The following CAMTA1 variants were observed in gnomAD, a reference collection of about 807,000 sequenced individuals.
CAMTA1 encodes calmodulin-binding transcription activator 1.
CAMTA1 carries 27 observed loss-of-function variants against 170.9 expected under a neutral mutation model. That is an observed-to-expected ratio of 0.16 (90% CI 0.12 to 0.22). The LOEUF is 0.22. Among genes scored for constraint, CAMTA1 ranks in the 10% least tolerant of loss-of-function variants. The pLI, the probability that CAMTA1 is intolerant of heterozygous loss-of-function variation, is 1.00. For synonymous variants in CAMTA1, 833 were observed against 891.5 expected (o/e 0.93, Z 1.17); for missense variants, 1,619 against 2,217.2 (o/e 0.73, Z 5.42).
chr1:7,266,057 G>T (rs1434244125), intron 5 of CAMTA1, among the ~76,000 whole-genome samples: 1 of 152,250 alleles, frequency 6.6e-6, no homozygotes, highest in South Asian at 2.1e-4. Flanking sequence ...GTCTCTGCTG[G>T]TGGATGGAGG....
intron 7 of CAMTA1, among the ~76,000 whole-genome samples, chr1:7,646,881 C>T (rs2148992810): frequency 6.6e-6 from 1 of 152,288 alleles, no homozygotes; most frequent in Admixed American, 6.5e-5. Context: ...AGTCCATCTC[C>T]CCTAACACAC....
intron 6 of CAMTA1, among the ~76,000 whole-genome samples, chr1:7,471,758 G>C (rs914179706): frequency 9.2e-5 from 14 of 152,238 alleles, no homozygotes; most frequent in Non-Finnish European, 1.6e-4. Context: ...GGGTGAGCTG[G>C]ACAGAGCGGT....
intron 4 of CAMTA1, among the ~76,000 whole-genome samples, chr1:7,194,878 G>C (rs934485407): frequency 6.6e-6 from 1 of 152,156 alleles, no homozygotes; most frequent in Non-Finnish European, 1.5e-5. Flanking sequence ...TGCCTGCAAG[G>C]CCCTCCTTCT....
intron 6 of CAMTA1, among the ~76,000 whole-genome samples, chr1:7,554,305 T>C (rs2094847257): frequency 1.3e-5 from 2 of 152,208 alleles, no homozygotes. Flanking sequence ...CTCTTTCAGC[T>C]GGTTGCTTGG....
intron 3 of CAMTA1, among the ~76,000 whole-genome samples, chr1:6,983,465 G>A (rs561122292): frequency 6.6e-6 from 1 of 152,210 alleles, no homozygotes; most frequent in South Asian, 2.1e-4. Flanking sequence ...TAAACCTACA[G>A]GCACCCCTGT....
chr1:7,524,068 G>T (rs952483699), intron 6 of CAMTA1, among the ~76,000 whole-genome samples: 4 of 147,652 alleles, frequency 2.7e-5, no homozygotes, highest in Non-Finnish European at 6.0e-5. Flanking sequence ...TGGGCATGGT[G>T]ATGCGTGCCT....
intron 3 of CAMTA1, among the ~76,000 whole-genome samples, chr1:6,925,181 C>T (rs1240049657): frequency 5.9e-5 from 9 of 152,222 alleles, no homozygotes; most frequent in Admixed American, 5.9e-4. Flanking sequence ...TGAACCTGCT[C>T]CATCCCTGCC....
chr1:6,899,167 C>T (rs2149191513), intron 3 of CAMTA1, among the ~76,000 whole-genome samples: 1 of 152,306 alleles, frequency 6.6e-6, no homozygotes, highest in African/African-American at 2.4e-5. Context: ...GATAAATAAT[C>T]ATCACTGCTG....
intron 6 of CAMTA1, among the ~76,000 whole-genome samples, chr1:7,622,549 G>A (rs571780438): frequency 3.3e-5 from 5 of 152,120 alleles, no homozygotes; most frequent in African/African-American, 4.8e-5. Context: ...GCGTTCTTTC[G>A]GAGTAAGCCT....
intron 5 of CAMTA1, among the ~76,000 whole-genome samples, chr1:7,370,569 A>C (rs908526500): frequency 6.6e-6 from 1 of 152,224 alleles, no homozygotes; most frequent in Non-Finnish European, 1.5e-5. Flanking sequence ...TTAACATTTC[A>C]TGTTCCACAG....
In CAMTA1 at chr1:6,882,772, A is replaced by C. The variant is rs534782993; in HGVS notation, c.234+57562A>C. Among the ~76,000 whole-genome samples the C allele has an allele frequency of 2.0e-5, 3 of 152,226 alleles. No homozygotes were observed. In the South Asian group the frequency reaches 6.2e-4, roughly 32 times the overall value. On this transcript the variant is annotated intron_variant, in intron 3 of 22. Transcript: ENST00000303635. ...GCCGTAGGACTGGATGAAATTTTTT[A>C]GGGAGTGTATACAATAGAGAAGTCC...
chr1:7,118,590 T>C (rs1029113199), intron 4 of CAMTA1, among the ~76,000 whole-genome samples: 1 of 152,092 alleles, frequency 6.6e-6, no homozygotes, highest in Non-Finnish European at 1.5e-5. Context: ...GTCTGAGCTT[T>C]GATGCTTTTG....
chr1:7,206,010 A>C lies in CAMTA1; in HGVS notation c.303-43481A>C, dbSNP rs376609524. 8.5e-5 allele frequency among the ~76,000 whole-genome samples: 13 copies of C among 152,298 alleles called. No homozygotes were observed. In the East Asian group the frequency reaches 2.5e-3, roughly 29 times the overall value. The stretch of plus-strand genomic sequence containing the variant: ...TAGAGGCCACCTTTATCGTATACTG[A>C]GTTTCCAAATGTGGTTGGGGCATAT... On this transcript the variant is annotated intron_variant, in intron 4 of 22. Transcript: ENST00000303635.
At chr1:7,260,242 G>A (rs1667972848) in intron 5 of CAMTA1, among the ~76,000 whole-genome samples, 1 of 152,230 alleles carries the variant, frequency 6.6e-6, no homozygotes, top group South Asian at 2.1e-4. Context: ...TCTAGAAGGA[G>A]TGGGGTGCTC....
chr1:7,161,794 G>A (rs1573559827), intron 4 of CAMTA1, among the ~76,000 whole-genome samples: 1 of 152,320 alleles, frequency 6.6e-6, no homozygotes, highest in East Asian at 1.9e-4. Flanking sequence ...GGCACCAAGG[G>A]TGGAGTGGTG....
chr1:6,816,291 C>T (rs755919899), intron 1 of CAMTA1, among the ~76,000 whole-genome samples: 1 of 152,104 alleles, frequency 6.6e-6, no homozygotes, highest in Non-Finnish European at 1.5e-5. Context: ...AGGAATTTAC[C>T]CCTATTGGAT....
chr1:7,436,489 T>C (rs1376236421), intron 5 of CAMTA1, among the ~76,000 whole-genome samples: 5 of 152,152 alleles, frequency 3.3e-5, no homozygotes, highest in Non-Finnish European at 7.4e-5. Context: ...AAGCTCTGTC[T>C]TGTGGGCCCG....
intron 6 of CAMTA1, among the ~76,000 whole-genome samples, chr1:7,612,361 G>A (rs1024075386): frequency 2.6e-5 from 4 of 152,128 alleles, no homozygotes; most frequent in African/African-American, 4.8e-5. Context: ...AACTCCTCTC[G>A]ACGTTTAGAC....
chr1:7,475,067 C>T (rs2093398970), intron 6 of CAMTA1, among the ~76,000 whole-genome samples: 1 of 152,232 alleles, frequency 6.6e-6, no homozygotes, highest in African/African-American at 2.4e-5. Context: ...CCTGGCAGGC[C>T]ATCTCTAGGA....
Sources: allele counts gnomAD v4.1 joint callset (sites outside exome capture counted in the v4.1 genomes callset), GRCh38; gene constraint gnomAD v4.1.1; transcripts MANE v1.5; gene names NCBI Gene and HGNC (gene_info 2026-07-23, HGNC 2026-07-21).